TBCK: variants seen among roughly 807,000 people sequenced by gnomAD.
The protein encoded by TBCK is TBC domain-containing protein kinase-like protein.
In TBCK, 99 loss-of-function variants were observed where a neutral mutation model predicts 113.4. The ratio of observed to expected loss-of-function variants is 0.87; its 90% CI spans 0.74 to 1.03. The LOEUF (loss-of-function observed/expected upper bound fraction) is 1.03, where lower values mean the gene tolerates loss of function less well. Among genes scored for constraint, TBCK ranks in the 50% least tolerant of loss-of-function variants. The pLI is 0.00. For missense variants in TBCK, 1,045 were observed against 1,061.3 expected (o/e 0.98, Z 0.21); for synonymous variants, 369 against 370.8 (o/e 1.00, Z 0.05).
intron 23 of TBCK, among the ~76,000 whole-genome samples, chr4:106,170,723 G>A (rs913472694): frequency 6.6e-6 from 1 of 151,938 alleles, no homozygotes; most frequent in Admixed American, 6.6e-5. Flanking sequence ...TTTTACAAAT[G>A]CTGTTTCTTC....
At chr4:106,295,539 A>G (rs182512549) in intron 2 of TBCK, among the ~76,000 whole-genome samples, 134 of 152,320 alleles carry the variant, frequency 8.8e-4, no homozygotes, top group Non-Finnish European at 1.5e-3. Context: ...GGAGCTAGGT[A>G]CAGATTGCTT....
At chr4:106,159,655 C>A (rs1749531881) in intron 23 of TBCK, among the ~76,000 whole-genome samples, 1 of 151,924 alleles carries the variant, frequency 6.6e-6, no homozygotes, top group African/African-American at 2.4e-5. Flanking sequence ...AAAACACAAG[C>A]CACGTTTATG....
chr4:106,148,452 T>C (rs1036167463), intron 23 of TBCK, among the ~76,000 whole-genome samples: 2 of 152,106 alleles, frequency 1.3e-5, no homozygotes, highest in African/African-American at 2.4e-5. Flanking sequence ...TTAGGGAAAA[T>C]AGAAAAGAAC....
At chr4:106,235,198 G>T in intron 15 of TBCK, 71 bp downstream of exon 15, 8 of 933,196 alleles carry the variant, frequency 8.6e-6, no homozygotes, top group African/African-American at 1.7e-5. Context: ...ATATATATTT[G>T]GAAAGCACTC....
intron 23 of TBCK, among the ~76,000 whole-genome samples, chr4:106,141,866 A>C (rs1019612576): frequency 7.1e-6 from 1 of 141,416 alleles, no homozygotes; most frequent in Non-Finnish European, 1.6e-5. Context: ...AAGAAAAAAG[A>C]AAGCTAATTC....
chr4:106,222,965 C>T (rs1006307467), intron 19 of TBCK, among the ~76,000 whole-genome samples: 1 of 151,950 alleles, frequency 6.6e-6, no homozygotes, highest in Non-Finnish European at 1.5e-5. Context: ...CTTGCTCTAG[C>T]TAAAAAAAGA....
At chr4:106,075,649 C>T (rs1184493165) in intron 25 of TBCK, among the ~76,000 whole-genome samples, 1 of 152,052 alleles carries the variant, frequency 6.6e-6, no homozygotes, top group Non-Finnish European at 1.5e-5. Context: ...AATGAGTTAC[C>T]TATTGACTTA....
chr4:106,214,546 G>A (rs990126553), intron 19 of TBCK, among the ~76,000 whole-genome samples: 1 of 152,088 alleles, frequency 6.6e-6, no homozygotes, highest in African/African-American at 2.4e-5. Context: ...GAAAACCAAG[G>A]CTCGAGAACT....
intron 23 of TBCK, among the ~76,000 whole-genome samples, chr4:106,134,533 A>G (rs765088487): frequency 4.7e-4 from 72 of 152,166 alleles, no homozygotes; most frequent in Non-Finnish European, 9.6e-4. Context: ...ATCCTTTATA[A>G]GGAGATAGGT....
chr4:106,171,829 A>G (rs1751060620), intron 22 of TBCK, among the ~76,000 whole-genome samples: 1 of 150,404 alleles, frequency 6.6e-6, no homozygotes, highest in African/African-American at 2.4e-5. Flanking sequence ...GCATTTCTCA[A>G]TTTTTTTTTT....
intron 23 of TBCK, among the ~76,000 whole-genome samples, chr4:106,123,685 G>A (rs1263828979): frequency 2.0e-5 from 3 of 152,070 alleles, no homozygotes; most frequent in Admixed American, 1.3e-4. Context: ...AGAGCCCTCA[G>A]AAATAACGTC....
chr4:106,252,421 C>T (rs1434046040), intron 5 of TBCK, among the ~76,000 whole-genome samples: 1 of 151,794 alleles, frequency 6.6e-6, no homozygotes, highest in African/African-American at 2.4e-5. Context: ...AAAAAAGATA[C>T]AAATTGAAAA....
chr4:106,108,366 C>CTT (rs963932241), intron 24 of TBCK, among the ~76,000 whole-genome samples: 2 of 152,174 alleles, frequency 1.3e-5, no homozygotes, highest in Non-Finnish European at 2.9e-5. Context: ...CAATGAAATA[C>CTT]TTGTAAACTG....
At position 106,064,431 on chromosome 4, in the gene TBCK, C is replaced by T. The variant is rs538781098; in HGVS notation, c.2572-17751G>A. 1.5e-4 allele frequency among the ~76,000 whole-genome samples: 23 copies of T among 151,232 alleles called. No homozygotes were observed. In the South Asian group the frequency reaches 4.6e-3, roughly 30 times the overall value. ...TGTTTTGCTTTAAAGAATAATTGCC[C>T]ATCTGCCTGCAACTAGATATGTTTA... On this transcript the variant is annotated intron_variant, in intron 25 of 25. Coordinates refer to ENST00000394708, the MANE Select transcript of TBCK (RefSeq NM_001163435.3).
chr4:106,236,768 A>G lies in TBCK; in HGVS notation c.1211T>C (p.Leu404Pro). The part of the protein sequence containing the change: ...DVGGEAFYPL[L>P]EDDQSNLPHS... ...GACTACATATACTCACTCATCTTCA[A>G]GTAATGGGTAAAATGCTTCTCCACC... Residue 404 changes from leucine to proline, a missense_variant, in exon 13 of 26, where the codon CTT becomes CCT. Physicochemically the swap from Leu to Pro is moderately conservative, Grantham distance 98. Transcript: ENST00000394708. 6.6e-7 allele frequency: 1 copy of G among 1,509,208 alleles called. No individual in the cohort carries two copies. The highest frequency in any genetic ancestry group is 8.9e-7 in the Non-Finnish European group (1 of 1,126,706). 93.5% of individuals were successfully genotyped at this position (1,509,208 alleles called of 1,614,324 possible). A position where few individuals can be genotyped will look rare whatever the true frequency, so the allele number is the denominator to read the frequency against.
At chr4:106,092,220 G>C (rs1740348364) in intron 25 of TBCK, among the ~76,000 whole-genome samples, 1 of 152,172 alleles carries the variant, frequency 6.6e-6, no homozygotes, top group Non-Finnish European at 1.5e-5. Context: ...GTGCTGACTG[G>C]TATGTTTACA....
At chr4:106,099,096 T>C (rs1741256387) in intron 24 of TBCK, among the ~76,000 whole-genome samples, 3 of 152,034 alleles carry the variant, frequency 2.0e-5, no homozygotes, top group African/African-American at 7.2e-5. Flanking sequence ...ATGCTGTAAG[T>C]AGATATGCTG....
intron 25 of TBCK, among the ~76,000 whole-genome samples, chr4:106,051,298 G>C (rs993247154): frequency 1.3e-5 from 2 of 151,862 alleles, no homozygotes; most frequent in Non-Finnish European, 2.9e-5. Flanking sequence ...ACACATGGCA[G>C]GACAATTAGG....
intron 5 of TBCK, among the ~76,000 whole-genome samples, chr4:106,258,564 AT>A (rs1762217304): frequency 2.6e-5 from 4 of 152,086 alleles, no homozygotes; most frequent in Admixed American, 2.6e-4. Flanking sequence ...CTATCCAAGC[AT>A]TTTAAATTCA....
Sources: allele counts gnomAD v4.1 joint callset (sites outside exome capture counted in the v4.1 genomes callset), GRCh38; gene constraint gnomAD v4.1.1; transcripts MANE v1.5; gene names NCBI Gene and HGNC (gene_info 2026-07-23, HGNC 2026-07-21).